Variants in FAM222A observed in about 807,000 individuals in gnomAD.
FAM222A encodes protein FAM222A.
FAM222A carries 7 observed loss-of-function variants against 25.8 expected under a neutral mutation model. The observed-to-expected ratio is 0.27, with a 90% confidence interval of 0.15 to 0.51. The LOEUF is 0.51. Among genes scored for constraint, FAM222A ranks in the 20% least tolerant of loss-of-function variants. The pLI is 0.97. For missense variants in FAM222A, 573 were observed against 640.5 expected, an observed-to-expected ratio of 0.89 and a Z score of 1.14; for synonymous variants, 294 against 298.8, an observed-to-expected ratio of 0.98 and a Z score of 0.17.
At chr12:109,742,280 A>T (rs1169549918) in intron 1 of FAM222A, 1 of 152,328 alleles carries the variant, frequency 6.6e-6, no homozygotes, top group Non-Finnish European at 1.5e-5. Context: ...CGTGTCCTCC[A>T]GGGCTGGTGT....
chr12:109,758,892 C>A (rs530256878), intron 2 of FAM222A, among the ~76,000 whole-genome samples: 1 of 152,312 alleles, frequency 6.6e-6, no homozygotes, highest in East Asian at 1.9e-4. Context: ...TACCCTGAGC[C>A]CTAACAAAGG....
At chr12:109,724,936 A>G (rs552487967) in intron 1 of FAM222A, among the ~76,000 whole-genome samples, 6 of 152,096 alleles carry the variant, frequency 3.9e-5, no homozygotes, top group African/African-American at 1.2e-4. Flanking sequence ...GGAATTCAGG[A>G]TTTTTAGTCC....
intron 1 of FAM222A, among the ~76,000 whole-genome samples, chr12:109,733,633 G>C (rs954439273): frequency 6.6e-6 from 1 of 152,172 alleles, no homozygotes; most frequent in Non-Finnish European, 1.5e-5. Context: ...TCGATCTCCT[G>C]TCCTCGTGAT....
intron 1 of FAM222A, among the ~76,000 whole-genome samples, chr12:109,732,404 A>G (rs561357453): frequency 6.6e-6 from 1 of 152,330 alleles, no homozygotes; most frequent in East Asian, 1.9e-4. Context: ...GGCCCCAGGA[A>G]GGGCCACTCT....
chr12:109,750,403 C>T (rs1294254063), intron 2 of FAM222A, among the ~76,000 whole-genome samples: 4 of 152,200 alleles, frequency 2.6e-5, no homozygotes, highest in African/African-American at 4.8e-5. Context: ...CAGTGGCTCA[C>T]GCCTGCAGTC....
At chr12:109,752,537 A>G (rs1464215573) in intron 2 of FAM222A, among the ~76,000 whole-genome samples, 3 of 152,220 alleles carry the variant, frequency 2.0e-5, no homozygotes, top group African/African-American at 7.2e-5. Flanking sequence ...ACCTGGGGCC[A>G]TGCTGTGTTT....
intron 2 of FAM222A, chr12:109,744,789 G>T: frequency 1.0e-6 from 1 of 983,888 alleles, no homozygotes; most frequent in Non-Finnish European, 1.2e-6. Flanking sequence ...ACTTAGAAAC[G>T]GAGATTTGCA....
At chr12:109,730,830 G>A (rs1887933989) in intron 1 of FAM222A, among the ~76,000 whole-genome samples, 1 of 152,124 alleles carries the variant, frequency 6.6e-6, no homozygotes, top group East Asian at 1.9e-4. Context: ...TGAGGTTTAG[G>A]TCCTGGGGTT....
intron 1 of FAM222A, 67 bp from the exon 2 acceptor site, chr12:109,744,034 G>A (rs1888318389): frequency 1.4e-6 from 2 of 1,469,336 alleles, no homozygotes; most frequent in African/African-American, 2.8e-5. Context: ...AGACTCCCGG[G>A]GGGAATGGTG....
At chr12:109,767,568 A>G (rs931009816) in intron 2 of FAM222A, among the ~76,000 whole-genome samples, 11 of 152,210 alleles carry the variant, frequency 7.2e-5, no homozygotes, top group African/African-American at 2.7e-4. Flanking sequence ...GAGACAGACC[A>G]GACTACTCCC....
intron 1 of FAM222A, among the ~76,000 whole-genome samples, chr12:109,718,547 C>G (rs1397400658): frequency 1.3e-5 from 2 of 152,236 alleles, no homozygotes; most frequent in African/African-American, 2.4e-5. Flanking sequence ...GCTTTATTAC[C>G]TCCCGCGGGC....
At position 109,726,540 on chromosome 12, in the gene FAM222A, AAAG is replaced by A. The variant is rs989155204; in HGVS notation, c.-47+11648_-47+11650del. 3.3e-5 allele frequency among the ~76,000 whole-genome samples: 5 copies of A among 152,326 alleles called. No individual in the cohort carries two copies. The South Asian group carries it at 6.2e-4, about 19-fold the overall frequency. On this transcript the variant is annotated intron_variant, in intron 1 of 2. Transcript: ENST00000538780. Reference sequence around the variant, plus strand: ...CCCACCCCGGGCAGCCATGGGGCTGAAAGAAGATGTGATGTCTACAGGTCCCAG... The same window carrying A: ...CCCACCCCGGGCAGCCATGGGGCTGAAAGATGTGATGTCTACAGGTCCCAG...
chr12:109,758,198 C>T (rs140005161), intron 2 of FAM222A, among the ~76,000 whole-genome samples: 1 of 152,326 alleles, frequency 6.6e-6, no homozygotes, highest in African/African-American at 2.4e-5. Flanking sequence ...AGCATCTCAG[C>T]ACACGTATGT....
At chr12:109,719,307 C>G (rs530747140) in intron 1 of FAM222A, among the ~76,000 whole-genome samples, 1 of 152,218 alleles carries the variant, frequency 6.6e-6, no homozygotes, top group African/African-American at 2.4e-5. Context: ...CGAGGTCACA[C>G]AGCCAGGGAG....
rs143272279 is a variant in FAM222A, at chr12:109,729,382, C to G, written c.-47+14485C>G. ...GCTGGGGGGTCTCAGGACGGCTTGCCTTCCCCATCCCCGGCCAGCAAGAGC... is the reference window on the plus strand; with the variant it reads ...GCTGGGGGGTCTCAGGACGGCTTGCGTTCCCCATCCCCGGCCAGCAAGAGC... On this transcript the variant is annotated intron_variant, in intron 1 of 2. Transcript: ENST00000538780. Among the ~76,000 whole-genome samples the G allele has an allele frequency of 1.5e-3, 227 of 152,296 alleles. 1 individual carries two copies. The highest frequency in any genetic ancestry group is 5.4e-3 in the African/African-American group (223 of 41,554).
intron 1 of FAM222A, among the ~76,000 whole-genome samples, chr12:109,730,136 CA>C (rs1592780910): frequency 6.6e-6 from 1 of 152,204 alleles, no homozygotes; most frequent in African/African-American, 2.4e-5. Context: ...CCACGCCACC[CA>C]AACGGCCCAC....
At position 109,729,196 on chromosome 12, in the gene FAM222A, G is replaced by A. The variant is rs1887895525; in HGVS notation, c.-47+14299G>A. Among the ~76,000 whole-genome samples the A allele has an allele frequency of 2.0e-5, 3 of 151,870 alleles. No homozygotes were observed. In the South Asian group the frequency reaches 6.3e-4, roughly 32 times the overall value. On this transcript the variant is annotated intron_variant, in intron 1 of 2. Coordinates refer to ENST00000538780, the MANE Select transcript of FAM222A (RefSeq NM_032829.3). The stretch of plus-strand genomic sequence containing the variant: ...TGCCAGGTTTGGGTTTTTCCCCCAA[G>A]AGAAAGCAGACAATAAGAATTTTAG...
chr12:109,755,284 CTTCTT>C (rs1888689387), intron 2 of FAM222A, among the ~76,000 whole-genome samples: 4 of 67,966 alleles, frequency 5.9e-5, no homozygotes, highest in African/African-American at 2.4e-4. Context: ...GTCTGTAATT[CTTCTT>C]TTTTTTTTTT....
At chr12:109,744,050 C>A in intron 1 of FAM222A, 51 bp from the exon 2 acceptor site, 1 of 1,496,456 alleles carries the variant, frequency 6.7e-7, no homozygotes. Flanking sequence ...TGGTGGGAGG[C>A]GAACACGGAG....
Sources: gnomAD v4.1 joint callset for allele counts (sites outside exome capture counted in the v4.1 genomes callset) on GRCh38, gnomAD v4.1.1 for gene constraint, MANE v1.5 for transcripts, NCBI Gene and HGNC (gene_info 2026-07-23, HGNC 2026-07-21) for gene names.